MAP1LC3A: variants seen among roughly 807,000 people sequenced by gnomAD.
The protein encoded by MAP1LC3A is microtubule-associated protein 1 light chain 3 alpha.
A neutral mutation model predicts 15.2 loss-of-function variants in MAP1LC3A; 10 were observed. That is an observed-to-expected ratio of 0.66 (90% CI 0.41 to 1.12). MAP1LC3A has a LOEUF of 1.12. MAP1LC3A is among the 50% of genes most tolerant of loss of function. The probability of loss-of-function intolerance (pLI) is 0.00; values close to 1 mark genes in which losing one functional copy is unlikely to be tolerated. For missense variants in MAP1LC3A, 138 were observed against 167.3 expected (o/e 0.82, Z 0.97); for synonymous variants, 63 against 64.3 (o/e 0.98, Z 0.10).
At chr20:34,554,811 A>G (rs142261353), upstream of MAP1LC3A, among the ~76,000 whole-genome samples, 4 of 151,634 alleles carry the variant, frequency 2.6e-5, no homozygotes, top group African/African-American at 9.7e-5. Context: ...TGGACTACAG[A>G]CACGTGCCAC....
chr20:34,559,300 C>T, intron 2 of MAP1LC3A, 37 bp downstream of exon 2: 1 of 1,579,340 alleles, frequency 6.3e-7, no homozygotes, highest in Admixed American at 1.7e-5. Flanking sequence ...CCGCCCCCGC[C>T]TCGCGCGTTC....
intron 1 of MAP1LC3A, 40 bp from the exon 2 acceptor site, chr20:34,559,168 C>T: frequency 1.6e-5 from 24 of 1,516,680 alleles, no homozygotes; most frequent in Non-Finnish European, 2.0e-5. Flanking sequence ...CGGACCTGGG[C>T]CGGCCCGACC....
Position 34,560,203 on chromosome 20 carries a change from C to A in MAP1LC3A, c.*305C>A, listed in dbSNP as rs1982400766. The A allele has an allele frequency of 3.1e-6, 1 of 319,422 alleles. No homozygotes were observed. Among genetic ancestry groups the A allele is most frequent in the Non-Finnish European group, 5.9e-6 (1 of 170,306 alleles). The allele number at this position is 319,422 out of a possible 1,614,324, so 19.8% of individuals were successfully genotyped here. Reference sequence around the variant, plus strand: ...GCCTGTCTGCCCATCTGCCCCTCACCCACCCGAGGCTCTGCCCACCGCCTG... The same window carrying A: ...GCCTGTCTGCCCATCTGCCCCTCACACACCCGAGGCTCTGCCCACCGCCTG... On this transcript the variant is annotated 3_prime_UTR_variant, in exon 4 of 4. Coordinates refer to ENST00000360668, the MANE Select transcript of MAP1LC3A (RefSeq NM_032514.4).
At chr20:34,551,027 C>T (rs1008359936) in intron 2 of MAP1LC3A, among the ~76,000 whole-genome samples, 2 of 151,932 alleles carry the variant, frequency 1.3e-5, no homozygotes, top group South Asian at 2.1e-4. Flanking sequence ...ACCGGTAGAT[C>T]AGGAGGTCAG....
chr20:34,553,865 C>G (rs779554667), upstream of MAP1LC3A, among the ~76,000 whole-genome samples: 7 of 152,202 alleles, frequency 4.6e-5, no homozygotes, highest in Non-Finnish European at 1.0e-4. Flanking sequence ...TAGGAACACA[C>G]AGCAAGCTAT....
intron 2 of MAP1LC3A, among the ~76,000 whole-genome samples, chr20:34,553,210 GA>G (rs1982013577): frequency 1.3e-5 from 2 of 152,110 alleles, no homozygotes; most frequent in Admixed American, 1.3e-4. Flanking sequence ...ATAAATAAAT[GA>G]AAAAGGTTTT....
chr20:34,559,026 A>T, intron 1 of MAP1LC3A, 118 bp downstream of exon 1: 3 of 1,335,630 alleles, frequency 2.2e-6, no homozygotes, highest in Admixed American at 4.1e-5. Flanking sequence ...GGCTGGGACC[A>T]GCTCCGGCCT....
Position 34,560,202 on chromosome 20 carries a change from C to G in MAP1LC3A, c.*304C>G. On this transcript the variant is annotated 3_prime_UTR_variant, in exon 4 of 4. Transcript: ENST00000360668. ...TGCCTGTCTGCCCATCTGCCCCTCA[C>G]CCACCCGAGGCTCTGCCCACCGCCT... 3.1e-6 allele frequency: 1 copy of G among 322,398 alleles called. No individual in the cohort carries two copies. The highest frequency in any genetic ancestry group is 4.0e-5 in the South Asian group (1 of 24,812). 20.0% of individuals were successfully genotyped at this position (322,398 alleles called of 1,614,324 possible).
chr20:34,551,566 G>A (rs1352149358), intron 2 of MAP1LC3A, among the ~76,000 whole-genome samples: 2 of 148,100 alleles, frequency 1.4e-5, no homozygotes, highest in African/African-American at 5.0e-5. Context: ...CTGCCTCCTG[G>A]GTTCAAGTGA....
Position 34,559,921 on chromosome 20 carries a change from C to A in MAP1LC3A, c.*23C>A. ...TGAGCCAGCAGTAGGGGGGCTCGGC[C>A]TGGGAGTCGGGCGGCCCCGGTCAGG... On this transcript the variant is annotated 3_prime_UTR_variant, in exon 4 of 4. Transcript: ENST00000360668. The A allele has an allele frequency of 6.2e-7, 1 of 1,600,512 alleles. No homozygotes were observed. Among genetic ancestry groups the A allele is most frequent in the Non-Finnish European group, 8.5e-7 (1 of 1,174,094 alleles).
rs375698748 is a variant in MAP1LC3A, at chr20:34,550,050, G to A, written c.52+21G>A. ...CCCAGGTCTGTCTGGCCCGCCTGCC[G>A]TTGTGTGAAGGAGCTCAGGGCCTAT... On this transcript the variant is annotated intron_variant, in intron 2 of 4. Coordinates refer to the MAP1LC3A transcript ENST00000374837. The A allele has an allele frequency of 9.3e-5, 150 of 1,612,868 alleles. No homozygotes were observed. The African/African-American group carries it at 1.3e-3, about 14-fold the overall frequency.
upstream of MAP1LC3A, among the ~76,000 whole-genome samples, chr20:34,557,812 C>T (rs1268663821): frequency 1.3e-5 from 2 of 152,086 alleles, no homozygotes; most frequent in African/African-American, 4.8e-5. Flanking sequence ...GTAATCCCAG[C>T]TACTGAGGAG....
chr20:34,559,459 T>C lies in MAP1LC3A; in HGVS notation c.203+6T>C. ...GAGTTGGTCAAGATCATCCGGTGCG[T>C]GGGCAGCCGCCGCCAGGAGGTGGCT... On this transcript the variant is annotated splice_donor_region_variant and intron_variant, in intron 3 of 3. Transcript: ENST00000360668. 1.9e-6 allele frequency: 3 copies of C among 1,609,208 alleles called. No homozygotes were observed. The highest frequency in any genetic ancestry group is 2.7e-5 in the African/African-American group (2 of 74,654).
chr20:34,551,676 A>G (rs1205271202), intron 2 of MAP1LC3A, among the ~76,000 whole-genome samples: 3 of 151,980 alleles, frequency 2.0e-5, no homozygotes, highest in African/African-American at 7.3e-5. Flanking sequence ...CATGTTGGCC[A>G]GGCTGGTCTT....
At chr20:34,558,687 C>T (rs1280274888), upstream of MAP1LC3A, 1 of 1,266,266 alleles carries the variant, frequency 7.9e-7, no homozygotes. This position sits in a 1 kb window ranked among gnomAD's most constrained non-coding sequence, Gnocchi z 4.3. Flanking sequence ...ACTGGCCTCC[C>T]CTTTAAGGAA....
chr20:34,547,417 CTTTTTTTTT>C (rs935450076), intron 1 of MAP1LC3A, among the ~76,000 whole-genome samples: 1 of 121,088 alleles, frequency 8.3e-6, no homozygotes, highest in Admixed American at 8.4e-5. Flanking sequence ...CGCTCCCCAC[CTTTTTTTTT>C]TTTTTTTTTT....
At chr20:34,550,406 G>C (rs1020719393) in intron 2 of MAP1LC3A, among the ~76,000 whole-genome samples, 2 of 152,206 alleles carry the variant, frequency 1.3e-5, no homozygotes, top group Non-Finnish European at 2.9e-5. Context: ...GATGACTGTG[G>C]GGGCCTGGGG....
chr20:34,558,077 TC>T (rs1426332033), upstream of MAP1LC3A: 15 of 985,528 alleles, frequency 1.5e-5, no homozygotes, highest in East Asian at 1.6e-3. The surrounding 1 kb of genome is among the most constrained non-coding windows in gnomAD (Gnocchi z 4.3). Flanking sequence ...CCGCGAGTTC[TC>T]CTGGCGTTGC....
intron 1 of MAP1LC3A, among the ~76,000 whole-genome samples, chr20:34,547,618 A>G (rs1363384419): frequency 6.6e-6 from 1 of 151,770 alleles, no homozygotes; most frequent in Admixed American, 6.6e-5. Context: ...ACAAGAGCTG[A>G]TGGTTTGGTA....
Sources: allele counts gnomAD v4.1 joint callset (sites outside exome capture counted in the v4.1 genomes callset), GRCh38; gene constraint gnomAD v4.1.1; non-coding constraint Gnocchi (gnomAD v3.1); transcripts MANE v1.5; gene names NCBI Gene and HGNC (gene_info 2026-07-23, HGNC 2026-07-21).